MAPK10: variants seen among roughly 807,000 people sequenced by gnomAD.
MAPK10 encodes the protein JNK3 alpha protein kinase.
MAPK10 carries 25 observed loss-of-function variants against 59.3 expected under a neutral mutation model. The observed-to-expected ratio is 0.42, with a 90% confidence interval of 0.31 to 0.59. MAPK10 has a LOEUF of 0.59. Among genes scored for constraint, MAPK10 ranks in the 20% least tolerant of loss-of-function variants. MAPK10 has a pLI of 0.15. For missense variants in MAPK10, 351 were observed against 568.9 expected (o/e 0.62, Z 3.90); for synonymous variants, 190 against 200.5 (o/e 0.95, Z 0.44).
chr4:86,177,211 G>A (rs2075884445), intron 3 of MAPK10, among the ~76,000 whole-genome samples: 1 of 152,046 alleles, frequency 6.6e-6, no homozygotes, highest in Admixed American at 6.6e-5. Flanking sequence ...TGTATCAGGT[G>A]AAGACTCTAA....
chr4:86,079,452 A>C (rs1257524785), intron 9 of MAPK10: 1 of 152,190 alleles, frequency 6.6e-6, no homozygotes, highest in Non-Finnish European at 1.5e-5. Flanking sequence ...GCCTCTTACA[A>C]GACTAATTTT....
chr4:86,251,466 G>C (rs528978303), intron 2 of MAPK10, among the ~76,000 whole-genome samples: 2 of 141,722 alleles, frequency 1.4e-5, no homozygotes, highest in Admixed American at 1.4e-4. Context: ...GAGAATGATG[G>C]TTTCCAATTT....
intron 4 of MAPK10, among the ~76,000 whole-genome samples, chr4:86,120,790 T>G (rs960047767): frequency 7.2e-5 from 11 of 152,100 alleles, no homozygotes; most frequent in African/African-American, 2.7e-4. Flanking sequence ...AGCTGAAAAC[T>G]TGGGAAATTA....
At chr4:86,205,611 C>T (rs1243264069) in intron 2 of MAPK10, among the ~76,000 whole-genome samples, 1 of 151,650 alleles carries the variant, frequency 6.6e-6, no homozygotes, top group African/African-American at 2.4e-5. Flanking sequence ...AAAAATAATA[C>T]AGAAAACCAA....
At chr4:86,460,911 C>G (rs1468670008) in intron 1 of MAPK10, among the ~76,000 whole-genome samples, 1 of 152,184 alleles carries the variant, frequency 6.6e-6, no homozygotes, top group East Asian at 1.9e-4. Context: ...GTTCAGGGCT[C>G]TCAGCTCTGA....
chr4:86,390,416 T>C (rs1396375720), intron 1 of MAPK10, among the ~76,000 whole-genome samples: 3 of 152,174 alleles, frequency 2.0e-5, no homozygotes, highest in East Asian at 1.9e-4. Context: ...AAGAAGAGAA[T>C]TGATGAGAAC....
chr4:86,138,450 A>T (rs1345457839), intron 4 of MAPK10, among the ~76,000 whole-genome samples: 4 of 131,814 alleles, frequency 3.0e-5, no homozygotes, highest in Non-Finnish European at 6.5e-5. Flanking sequence ...GATTATCTCA[A>T]TAGATGCAGG....
intron 1 of MAPK10, among the ~76,000 whole-genome samples, chr4:86,551,865 A>G (rs1281887181): frequency 2.0e-5 from 3 of 152,278 alleles, no homozygotes; most frequent in African/African-American, 4.8e-5. Flanking sequence ...TCAGCCTCCC[A>G]AAGTGCTGGG....
At chr4:86,279,156 C>A (rs1351945470) in intron 2 of MAPK10, among the ~76,000 whole-genome samples, 1 of 151,958 alleles carries the variant, frequency 6.6e-6, no homozygotes, top group Non-Finnish European at 1.5e-5. Flanking sequence ...AATATTATGA[C>A]AAAATTAAGT....
chr4:86,589,959 G>A (rs1762912696), intron 1 of MAPK10, among the ~76,000 whole-genome samples: 1 of 150,682 alleles, frequency 6.6e-6, no homozygotes. Flanking sequence ...ACTCCAGCCT[G>A]GGCTACAGAG....
intron 11 of MAPK10, among the ~76,000 whole-genome samples, chr4:86,035,852 G>C (rs1331640605): frequency 6.6e-6 from 1 of 152,172 alleles, no homozygotes; most frequent in East Asian, 1.9e-4. Flanking sequence ...TATATAATCT[G>C]AAGTTCAGAG....
rs779145260 is a variant in MAPK10, at chr4:86,064,223, T to C, written c.1110+43A>G. ...CCTATTCAGTTTTTGCTATGAGCTATGATTTGTTTGTGGAAGCAAAGTAAA... is the reference window on the plus strand; with the variant it reads ...CCTATTCAGTTTTTGCTATGAGCTACGATTTGTTTGTGGAAGCAAAGTAAA... On this transcript the variant is annotated intron_variant, in intron 11 of 13. Transcript: ENST00000641462. 4.3e-6 allele frequency: 7 copies of C among 1,611,832 alleles called. No homozygotes were observed. In the South Asian group the frequency reaches 7.7e-5, roughly 18 times the overall value.
chr4:86,151,092 T>C (rs1281954937), intron 4 of MAPK10, among the ~76,000 whole-genome samples: 2 of 151,900 alleles, frequency 1.3e-5, no homozygotes, highest in African/African-American at 4.8e-5. Context: ...AACTAATAGG[T>C]CCCAACGGGT....
intron 2 of MAPK10, among the ~76,000 whole-genome samples, chr4:86,346,768 C>T (rs1204508898): frequency 6.6e-6 from 1 of 151,022 alleles, no homozygotes; most frequent in Non-Finnish European, 1.5e-5. Context: ...CTAAGTGGAC[C>T]CACACAGTTT....
In MAPK10 at chr4:86,014,896, T is replaced by C. The variant is rs930090913; in HGVS notation, c.*2332A>G. On this transcript the variant is annotated 3_prime_UTR_variant, in exon 14 of 14. Coordinates refer to ENST00000641462, the MANE Select transcript of MAPK10 (RefSeq NM_138982.4). ...TAAAGCAGCTTCCTGCTCTCCGCAC[T>C]TAATCCCATGTGGTATAAAGTAAGG... 7 of 151,790 alleles carry C rather than the reference T, an allele frequency of 4.6e-5. No individual in the cohort carries two copies. Among genetic ancestry groups the C allele is most frequent in the African/African-American group, 1.7e-4 (7 of 41,272 alleles). The allele number at this position is 151,790 out of a possible 1,614,324, so 9.4% of individuals were successfully genotyped here.
chr4:86,388,098 G>A (rs1005585425), intron 1 of MAPK10, among the ~76,000 whole-genome samples: 4 of 151,458 alleles, frequency 2.6e-5, no homozygotes, highest in Non-Finnish European at 5.9e-5. Flanking sequence ...TACTGTAATC[G>A]GGTTAGAAAA....
At chr4:86,201,028 A>G (rs28896887) in intron 2 of MAPK10, among the ~76,000 whole-genome samples, 21,219 of 151,688 alleles carry the variant, frequency 0.14, 1,530 homozygotes, top group African/African-American at 0.17. Context: ...GCCTTTGGTA[A>G]TCATCATTCT....
intron 2 of MAPK10, among the ~76,000 whole-genome samples, chr4:86,231,761 T>C (rs1385151785): frequency 6.6e-6 from 1 of 152,222 alleles, no homozygotes; most frequent in Non-Finnish European, 1.5e-5. Flanking sequence ...ATCTTTAATG[T>C]TGCAAAAATA....
intron 2 of MAPK10, among the ~76,000 whole-genome samples, chr4:86,231,995 G>A (rs2091613524): frequency 6.6e-6 from 1 of 152,174 alleles, no homozygotes; most frequent in South Asian, 2.1e-4. Flanking sequence ...AGTTTAACTG[G>A]AATTGGTCTA....
Sources: gnomAD v4.1 joint callset for allele counts (sites outside exome capture counted in the v4.1 genomes callset) on GRCh38, gnomAD v4.1.1 for gene constraint, MANE v1.5 for transcripts, NCBI Gene and HGNC (gene_info 2026-07-23, HGNC 2026-07-21) for gene names.